Variants in HECW1 observed in about 807,000 individuals in gnomAD.
HECW1 encodes the protein E3 ubiquitin-protein ligase HECW1.
Under a neutral mutation model 182.3 loss-of-function variants are expected in HECW1, and 61 were observed. The observed-to-expected ratio is 0.33, with a 90% confidence interval of 0.27 to 0.41. The LOEUF is 0.41. Ranked by LOEUF, HECW1 falls within the 10% of genes least tolerant of loss-of-function variation. The pLI, the probability that HECW1 is intolerant of heterozygous loss-of-function variation, is 1.00. For missense variants in HECW1, 1,739 were observed against 2,108.9 expected (o/e 0.82, Z 3.44); for synonymous variants, 859 against 832.6 (o/e 1.03, Z -0.55).
At chr7:43,488,492 A>AAG (rs1289480247) in intron 17 of HECW1, among the ~76,000 whole-genome samples, 72 of 132,510 alleles carry the variant, frequency 5.4e-4, no homozygotes, top group African/African-American at 1.8e-3. Context: ...AAGAAAGAGA[A>AAG]AGAAAGAAAG....
intron 6 of HECW1, among the ~76,000 whole-genome samples, chr7:43,392,387 T>A (rs1378047806): frequency 6.6e-6 from 1 of 152,240 alleles, no homozygotes; most frequent in Non-Finnish European, 1.5e-5. Flanking sequence ...CTCCAGCTTT[T>A]ACCCAAAGGA....
At chr7:43,479,537 C>A in intron 16 of HECW1, 73 bp from the exon 17 acceptor site, 1 of 1,576,050 alleles carries the variant, frequency 6.3e-7, no homozygotes, top group Non-Finnish European at 8.7e-7. Flanking sequence ...CTGTAGCACT[C>A]CTGTATATTA....
intron 23 of HECW1, 27 bp from the exon 24 acceptor site, chr7:43,508,942 C>T (rs2079725918): frequency 6.2e-7 from 1 of 1,609,384 alleles, no homozygotes; most frequent in South Asian, 1.1e-5. Context: ...ACAGAATGAG[C>T]TTCCTGGACC....
intron 2 of HECW1, among the ~76,000 whole-genome samples, chr7:43,229,794 G>A (rs959349931): frequency 6.6e-6 from 1 of 152,174 alleles, no homozygotes; most frequent in African/African-American, 2.4e-5. Context: ...ATTTACAAAG[G>A]ATAAAATAGT....
At position 43,396,909 on chromosome 7, in the gene HECW1, G is replaced by C. The variant is rs759314493; in HGVS notation, c.631+20G>C. 1.3e-6 allele frequency: 2 copies of C among 1,570,974 alleles called. No homozygotes were observed. Among genetic ancestry groups the C allele is most frequent in the Non-Finnish European group, 8.8e-7 (1 of 1,142,020 alleles). On this transcript the variant is annotated intron_variant, in intron 7 of 29. Transcript: ENST00000395891. ...TCTCAGGTATGTTTTGCTCACCTGA[G>C]ACTTTGTGGAGAGACTAAGAATGTC...
chr7:43,215,914 C>T (rs963196458), intron 2 of HECW1, among the ~76,000 whole-genome samples: 31 of 152,230 alleles, frequency 2.0e-4, no homozygotes, highest in African/African-American at 7.0e-4. Context: ...ACGTATAGGG[C>T]CAGTGTTCAG....
intron 3 of HECW1, among the ~76,000 whole-genome samples, chr7:43,264,588 G>A (rs1801535906): frequency 6.6e-6 from 1 of 152,122 alleles, no homozygotes; most frequent in South Asian, 2.1e-4. Flanking sequence ...GCTCACGCCT[G>A]TAATCTCAGC....
rs769972849 is a variant in HECW1, at chr7:43,164,499, G to A, written c.-32+50108G>A. 7.2e-5 allele frequency among the ~76,000 whole-genome samples: 11 copies of A among 152,270 alleles called. No homozygotes were observed. The South Asian group carries it at 1.7e-3, about 23-fold the overall frequency. ...GAGCCTTGAGTGGAGGGGGCTGCTC[G>A]GCATCTGTGCTGTGTGCCCAGACTC... On this transcript the variant is annotated intron_variant, in intron 2 of 29. Coordinates refer to ENST00000395891, the MANE Select transcript of HECW1 (RefSeq NM_015052.5).
chr7:43,496,921 G>A (rs886109323), intron 19 of HECW1, among the ~76,000 whole-genome samples: 1 of 152,144 alleles, frequency 6.6e-6, no homozygotes, highest in African/African-American at 2.4e-5. Flanking sequence ...TTGTCCCAGG[G>A]CTATGTATGC....
At chr7:43,538,386 C>T (rs1487155717) in intron 24 of HECW1, among the ~76,000 whole-genome samples, 1 of 152,138 alleles carries the variant, frequency 6.6e-6, no homozygotes, top group Admixed American at 6.5e-5. Flanking sequence ...TTACCTGAAC[C>T]AAAATATATC....
chr7:43,368,563 C>T (rs12537018), intron 6 of HECW1, among the ~76,000 whole-genome samples: 5,125 of 152,266 alleles, frequency 0.034, 101 homozygotes, highest in Middle Eastern at 0.044. Context: ...AGGGATTCGG[C>T]ATCCTCTCTC....
At chr7:43,320,151 A>C (rs1809906821) in intron 4 of HECW1, among the ~76,000 whole-genome samples, 1 of 152,164 alleles carries the variant, frequency 6.6e-6, no homozygotes, top group Non-Finnish European at 1.5e-5. Flanking sequence ...GGGTGCGACC[A>C]TGTATAGGAT....
At chr7:43,546,942 C>CT (rs2081589254) in intron 26 of HECW1, among the ~76,000 whole-genome samples, 2 of 152,248 alleles carry the variant, frequency 1.3e-5, no homozygotes, top group South Asian at 4.1e-4. Flanking sequence ...GAACGGGGCA[C>CT]TTTCGCCTGC....
At chr7:43,534,474 T>C (rs1466144196) in intron 24 of HECW1, among the ~76,000 whole-genome samples, 1 of 152,228 alleles carries the variant, frequency 6.6e-6, no homozygotes, top group Non-Finnish European at 1.5e-5. Context: ...AGCCCCTTGA[T>C]GTAAAACATT....
At chr7:43,363,726 C>T (rs1816261879) in intron 6 of HECW1, among the ~76,000 whole-genome samples, 1 of 152,132 alleles carries the variant, frequency 6.6e-6, no homozygotes, top group African/African-American at 2.4e-5. Flanking sequence ...GGAGGAGCCC[C>T]CTTTGTTTGA....
At chr7:43,221,595 C>A (rs371107271) in intron 2 of HECW1, among the ~76,000 whole-genome samples, 1 of 105,972 alleles carries the variant, frequency 9.4e-6, no homozygotes, top group Non-Finnish European at 1.7e-5. Context: ...AGCCTGTTGC[C>A]CAGGCTGGAG....
intron 22 of HECW1, 92 bp downstream of exon 22, chr7:43,507,349 G>T (rs555104003): frequency 1.6e-6 from 2 of 1,276,540 alleles, no homozygotes; most frequent in South Asian, 1.5e-5. Context: ...TTTGAGACTG[G>T]CTACTCTGGT....
chr7:43,492,255 T>C (rs1303779324), intron 18 of HECW1, 75 bp downstream of exon 18: 8 of 1,121,168 alleles, frequency 7.1e-6, no homozygotes, highest in Non-Finnish European at 1.0e-5. Flanking sequence ...TTTGTTTTTC[T>C]GGTTTTTGTC....
chr7:43,469,687 C>G (rs567738596), intron 16 of HECW1, among the ~76,000 whole-genome samples: 1 of 152,250 alleles, frequency 6.6e-6, no homozygotes, highest in South Asian at 2.1e-4. Flanking sequence ...TTTAGAAGAC[C>G]AGCTGAGTCT....
Sources: gnomAD v4.1 joint callset for allele counts (sites outside exome capture counted in the v4.1 genomes callset) on GRCh38, gnomAD v4.1.1 for gene constraint, MANE v1.5 for transcripts, NCBI Gene and HGNC (gene_info 2026-07-23, HGNC 2026-07-21) for gene names.